The following DNER variants were observed in gnomAD, a reference collection of about 807,000 sequenced individuals.
The protein encoded by DNER is delta/notch like EGF repeat containing.
In DNER, 33 loss-of-function variants were observed where a neutral mutation model predicts 78.2. That is an observed-to-expected ratio of 0.42 (90% confidence interval 0.32 to 0.56). DNER has a LOEUF of 0.56. DNER is among the 20% of genes least tolerant of loss of function. DNER has a pLI of 0.11. For synonymous variants in DNER, 417 were observed against 384.8 expected (o/e 1.08, Z -0.98); for missense variants, 918 against 975.3 (o/e 0.94, Z 0.78).
At chr2:229,511,801 G>A (rs550190519) in intron 6 of DNER, among the ~76,000 whole-genome samples, 44 of 152,228 alleles carry the variant, frequency 2.9e-4, no homozygotes, top group Non-Finnish European at 4.6e-4. Flanking sequence ...ACAAAAATGG[G>A]GTAATGCTGA....
chr2:229,709,685 A>G lies in DNER; in HGVS notation c.276+4463T>C, dbSNP rs115565217. ...TAACTTGCATGAAAAGCAGCCACAC[A>G]TGTCCCCTTTTTACTCCAAGTGCAG... On this transcript the variant is annotated intron_variant, in intron 1 of 12. Coordinates refer to ENST00000341772, the MANE Select transcript of DNER (RefSeq NM_139072.4). 9.2e-3 allele frequency among the ~76,000 whole-genome samples: 1,409 copies of G among 152,326 alleles called. 23 individuals are homozygous for G. The highest frequency in any genetic ancestry group is 0.032 in the African/African-American group (1,338 of 41,572).
chr2:229,508,019 C>G (rs948276473), intron 6 of DNER, among the ~76,000 whole-genome samples: 1 of 152,084 alleles, frequency 6.6e-6, no homozygotes, highest in African/African-American at 2.4e-5. Context: ...AACAAATCAA[C>G]AAGAAGAGTG....
intron 10 of DNER, among the ~76,000 whole-genome samples, chr2:229,404,142 G>C (rs1693330194): frequency 6.6e-6 from 1 of 152,108 alleles, no homozygotes; most frequent in Admixed American, 6.6e-5. Flanking sequence ...GAAGTGAAAA[G>C]ATCTAAGAGG....
intron 12 of DNER, among the ~76,000 whole-genome samples, chr2:229,364,232 C>A (rs1054986930): frequency 6.6e-6 from 1 of 151,942 alleles, no homozygotes. Flanking sequence ...TTCCTCTAGG[C>A]TGGGGCCACT....
chr2:229,614,023 T>C (rs1256136585), intron 1 of DNER, among the ~76,000 whole-genome samples: 1 of 146,896 alleles, frequency 6.8e-6, no homozygotes, highest in Non-Finnish European at 1.5e-5. Context: ...CCGGGGCCTG[T>C]TGTGGGGTGG....
intron 6 of DNER, among the ~76,000 whole-genome samples, chr2:229,493,307 C>T (rs1194290109): frequency 6.6e-6 from 1 of 152,154 alleles, no homozygotes; most frequent in Non-Finnish European, 1.5e-5. Flanking sequence ...AGTGGTGGTT[C>T]TGAACTTGTA....
chr2:229,395,052 C>A (rs1693103495), intron 10 of DNER, among the ~76,000 whole-genome samples: 1 of 152,066 alleles, frequency 6.6e-6, no homozygotes, highest in African/African-American at 2.4e-5. Context: ...CTTTATGGAA[C>A]CGTAAGAGTT....
chr2:229,554,469 A>G (rs1696810106), intron 4 of DNER, among the ~76,000 whole-genome samples: 1 of 152,188 alleles, frequency 6.6e-6, no homozygotes, highest in Non-Finnish European at 1.5e-5. Context: ...AGGTGGGCAG[A>G]TCACTTGAGG....
intron 11 of DNER, among the ~76,000 whole-genome samples, chr2:229,370,638 G>A (rs973234171): frequency 2.0e-5 from 3 of 152,168 alleles, no homozygotes; most frequent in Admixed American, 6.5e-5. Context: ...AAAAGCAAGC[G>A]TGATTCACTT....
At chr2:229,646,970 C>A (rs1357822629) in intron 1 of DNER, among the ~76,000 whole-genome samples, 1 of 152,186 alleles carries the variant, frequency 6.6e-6, no homozygotes, top group African/African-American at 2.4e-5. Context: ...AGATCGCGAC[C>A]ATCCTGGCCA....
chr2:229,422,966 T>C (rs897606366), intron 8 of DNER, among the ~76,000 whole-genome samples: 2 of 152,086 alleles, frequency 1.3e-5, no homozygotes, highest in Non-Finnish European at 2.9e-5. Flanking sequence ...TGTCAGAGGC[T>C]CTAATGAGCA....
At chr2:229,710,325 G>A (rs1233508699) in intron 1 of DNER, among the ~76,000 whole-genome samples, 3 of 152,204 alleles carry the variant, frequency 2.0e-5, no homozygotes, top group African/African-American at 4.8e-5. Context: ...GTCCAGGGCT[G>A]GATTTTCATC....
intron 1 of DNER, among the ~76,000 whole-genome samples, chr2:229,623,209 C>T (rs1698280393): frequency 1.3e-5 from 2 of 152,130 alleles, no homozygotes; most frequent in South Asian, 2.1e-4. Flanking sequence ...CTACGACAAT[C>T]ACCGCTTTCG....
At chr2:229,612,979 T>A (rs1027239991) in intron 1 of DNER, among the ~76,000 whole-genome samples, 5 of 152,196 alleles carry the variant, frequency 3.3e-5, no homozygotes, top group Non-Finnish European at 5.9e-5. Flanking sequence ...AGTGACTTGC[T>A]AAAATAAAAC....
At chr2:229,378,244 T>C (rs1692652480) in intron 11 of DNER, among the ~76,000 whole-genome samples, 1 of 152,168 alleles carries the variant, frequency 6.6e-6, no homozygotes, top group Non-Finnish European at 1.5e-5. Flanking sequence ...TCCAGAACTG[T>C]AACGTGATAG....
At chr2:229,540,969 C>G (rs181015457) in intron 5 of DNER, among the ~76,000 whole-genome samples, 158 of 152,338 alleles carry the variant, frequency 1.0e-3, no homozygotes, top group South Asian at 3.9e-3. Context: ...CAGAGCCAAT[C>G]AACAGGAAAA....
At chr2:229,391,686 C>T (rs112013473) in intron 10 of DNER, among the ~76,000 whole-genome samples, 8,892 of 152,186 alleles carry the variant, frequency 0.058, 304 homozygotes, top group Middle Eastern at 0.088. Flanking sequence ...GGATTACAGG[C>T]GTGTGCCACC....
Position 229,699,499 on chromosome 2 carries a change from G to A in DNER, c.276+14649C>T, listed in dbSNP as rs115527020. ...TCCCACCTCAGCCTCCCAAGTAGCT[G>A]GGACTATACGCATGCACTGCCATAC... On this transcript the variant is annotated intron_variant, in intron 1 of 12. Coordinates refer to ENST00000341772, the MANE Select transcript of DNER (RefSeq NM_139072.4). Among the ~76,000 whole-genome samples the A allele has an allele frequency of 5.1e-3, 773 of 152,214 alleles. 6 individuals are homozygous for A. Among genetic ancestry groups the A allele is most frequent in the African/African-American group, 0.017 (710 of 41,514 alleles).
chr2:229,686,239 C>T (rs1055560081), intron 1 of DNER, among the ~76,000 whole-genome samples: 3 of 152,108 alleles, frequency 2.0e-5, no homozygotes, highest in Admixed American at 6.5e-5. Context: ...TGGGATGGTG[C>T]CACTGACTGT....
Sources: gnomAD v4.1 joint callset for allele counts (sites outside exome capture counted in the v4.1 genomes callset) on GRCh38, gnomAD v4.1.1 for gene constraint, MANE v1.5 for transcripts, NCBI Gene and HGNC (gene_info 2026-07-23, HGNC 2026-07-21) for gene names.